Variants in TCERG1L observed in about 807,000 individuals in gnomAD.
TCERG1L encodes transcription elongation regulator 1 like.
TCERG1L carries 37 observed loss-of-function variants against 56.3 expected under a neutral mutation model. The observed-to-expected ratio is 0.66, with a 90% CI of 0.51 to 0.87. TCERG1L has a LOEUF of 0.87. Ranked by LOEUF, TCERG1L falls within the 40% of genes least tolerant of loss-of-function variation. The probability of loss-of-function intolerance (pLI) is 0.00; values close to 1 mark genes in which losing one functional copy is unlikely to be tolerated. For synonymous variants in TCERG1L, 324 were observed against 326.3 expected (o/e 0.99, Z 0.08); for missense variants, 799 against 774.2 (o/e 1.03, Z -0.38).
intron 3 of TCERG1L, among the ~76,000 whole-genome samples, chr10:131,297,697 AG>A (rs1444653230): frequency 2.0e-5 from 3 of 152,170 alleles, no homozygotes; most frequent in Non-Finnish European, 2.9e-5. Context: ...TGAAGCTGTC[AG>A]GGATTGAATG....
chr10:131,118,736 A>G lies in TCERG1L; in HGVS notation c.1260-1802T>C, dbSNP rs1310708934. On this transcript the variant is annotated intron_variant, in intron 8 of 11. Transcript: ENST00000368642. This position sits in a 1 kb window ranked among gnomAD's most constrained non-coding sequence, Gnocchi z 4.2. ...CTTTTCCATGCCAAATTTGGAATTG[A>G]GCCTGGTCTCTTTTCCTCCTTTGCA... is the stretch of plus-strand genomic sequence containing the variant. Among the ~76,000 whole-genome samples the G allele has an allele frequency of 6.6e-6, 1 of 152,108 alleles. No homozygotes were observed. Among genetic ancestry groups the G allele is most frequent in the Non-Finnish European group, 1.5e-5 (1 of 68,030 alleles).
intron 4 of TCERG1L, among the ~76,000 whole-genome samples, chr10:131,191,984 A>G (rs1317820988): frequency 7.0e-6 from 1 of 142,796 alleles, no homozygotes; most frequent in East Asian, 1.9e-4. Context: ...ATTCCTGACT[A>G]AGACCCTAAA....
intron 4 of TCERG1L, among the ~76,000 whole-genome samples, chr10:131,204,633 C>T (rs944667822): frequency 6.6e-6 from 1 of 152,244 alleles, no homozygotes; most frequent in African/African-American, 2.4e-5. Flanking sequence ...TGTGTGTCCT[C>T]AAATCAAAGG....
intron 4 of TCERG1L, among the ~76,000 whole-genome samples, chr10:131,204,112 G>A (rs917444397): frequency 1.3e-5 from 2 of 152,234 alleles, no homozygotes; most frequent in Non-Finnish European, 2.9e-5. Flanking sequence ...GCTCCCTCCT[G>A]CCATGGGAGG....
intron 4 of TCERG1L, among the ~76,000 whole-genome samples, chr10:131,182,727 T>C (rs1198840855): frequency 3.3e-5 from 5 of 151,762 alleles, no homozygotes; most frequent in Non-Finnish European, 5.9e-5. Context: ...TGCAGACTAA[T>C]CTATGTGAAA....
chr10:131,280,678 C>T (rs931618949), intron 3 of TCERG1L, among the ~76,000 whole-genome samples: 10 of 152,056 alleles, frequency 6.6e-5, no homozygotes, highest in Non-Finnish European at 7.3e-5. Flanking sequence ...TGAAGCTACA[C>T]GACTCATCTG....
chr10:131,259,797 A>G (rs1315605355), intron 4 of TCERG1L, among the ~76,000 whole-genome samples: 3 of 152,176 alleles, frequency 2.0e-5, no homozygotes, highest in Non-Finnish European at 4.4e-5. Context: ...CCCTGTGTCC[A>G]GCCCAGGGCC....
intron 3 of TCERG1L, among the ~76,000 whole-genome samples, chr10:131,291,434 T>TTTTTTTTTTTTG (rs1846624860): frequency 1.1e-5 from 1 of 92,600 alleles, no homozygotes; most frequent in Non-Finnish European, 2.0e-5. Flanking sequence ...TTTTTTTTTT[T>TTTTTTTTTTTTG]TTTTTTTTTT....
In TCERG1L at chr10:131,175,784, G is replaced by C. The variant is rs540550310; in HGVS notation, c.857-8899C>G. Among the ~76,000 whole-genome samples, 23 of 152,304 alleles carry C rather than the reference G, an allele frequency of 1.5e-4. No individual in the cohort carries two copies. In the South Asian group the frequency reaches 4.6e-3, roughly 30 times the overall value. ...GGACTTTACCCCAACCTTGGACCAA[G>C]AAAAGAAGAGATGGCTAGATGGAGG... On this transcript the variant is annotated intron_variant, in intron 4 of 11. Transcript: ENST00000368642.
intron 4 of TCERG1L, among the ~76,000 whole-genome samples, chr10:131,239,893 C>T (rs911006598): frequency 3.3e-5 from 5 of 152,318 alleles, no homozygotes; most frequent in Admixed American, 6.5e-5. Context: ...AGAAAGGGTG[C>T]GGTGTCTTCC....
At chr10:131,203,046 C>T (rs991198882) in intron 4 of TCERG1L, among the ~76,000 whole-genome samples, 2 of 152,102 alleles carry the variant, frequency 1.3e-5, no homozygotes, top group African/African-American at 4.8e-5. Flanking sequence ...ACGCCGACAC[C>T]GATGTGCTTG....
chr10:131,283,204 A>C (rs1846481531), intron 3 of TCERG1L, among the ~76,000 whole-genome samples: 1 of 152,202 alleles, frequency 6.6e-6, no homozygotes, highest in East Asian at 1.9e-4. Flanking sequence ...ATGCATTGGT[A>C]CAGTTGCCAA....
intron 8 of TCERG1L, among the ~76,000 whole-genome samples, chr10:131,130,773 G>C (rs559659977): frequency 7.9e-5 from 12 of 152,178 alleles, no homozygotes; most frequent in African/African-American, 2.9e-4. Flanking sequence ...CTGAGTTTTG[G>C]GGGAAACTGA....
At chr10:131,121,174 A>T (rs892938672) in intron 8 of TCERG1L, among the ~76,000 whole-genome samples, 6 of 152,166 alleles carry the variant, frequency 3.9e-5, no homozygotes, top group Non-Finnish European at 7.4e-5. Context: ...ACGCTGACAC[A>T]GGTTGAGATG....
At chr10:131,273,070 G>C (rs1248574198) in intron 3 of TCERG1L, among the ~76,000 whole-genome samples, 1 of 152,138 alleles carries the variant, frequency 6.6e-6, no homozygotes, top group African/African-American at 2.4e-5. Context: ...AGTGGAGTGG[G>C]CCCGACCTCA....
At chr10:131,159,145 T>A (rs1190245925) in intron 6 of TCERG1L, among the ~76,000 whole-genome samples, 1 of 152,230 alleles carries the variant, frequency 6.6e-6, no homozygotes, top group East Asian at 1.9e-4. Flanking sequence ...AAAGGGGCAG[T>A]GTGCCCTGGG....
At chr10:131,160,878 T>A (rs540592161) in intron 6 of TCERG1L, 8 of 152,168 alleles carry the variant, frequency 5.3e-5, no homozygotes, top group Non-Finnish European at 8.8e-5. Context: ...GTGAGAAGGT[T>A]CTAGGGCTCA....
In TCERG1L at chr10:131,164,386, G is replaced by A. The variant is rs373596909; in HGVS notation, c.946-1176C>T. Among the ~76,000 whole-genome samples, 13 of 152,228 alleles carry A rather than the reference G, an allele frequency of 8.5e-5. No homozygotes were observed. The South Asian group carries it at 1.9e-3, about 22-fold the overall frequency. ...TAGCCATATGGATGTATGACAGACCGCAGGTCTTTGTTCAGTCAGTACTGA... is the reference window on the plus strand; with the variant it reads ...TAGCCATATGGATGTATGACAGACCACAGGTCTTTGTTCAGTCAGTACTGA... On this transcript the variant is annotated intron_variant, in intron 5 of 11. Transcript: ENST00000368642.
chr10:131,263,924 A>G (rs1846258316), intron 3 of TCERG1L, among the ~76,000 whole-genome samples: 1 of 152,228 alleles, frequency 6.6e-6, no homozygotes, highest in Non-Finnish European at 1.5e-5. Flanking sequence ...CGCAAAAGTT[A>G]AAGTCCTTGC....
Sources: allele counts gnomAD v4.1 joint callset (sites outside exome capture counted in the v4.1 genomes callset), GRCh38; gene constraint gnomAD v4.1.1; non-coding constraint Gnocchi (gnomAD v3.1); transcripts MANE v1.5; gene names NCBI Gene and HGNC (gene_info 2026-07-23, HGNC 2026-07-21).